Variants in TMEM132C observed in about 807,000 individuals in gnomAD.
TMEM132C encodes transmembrane protein 132C, also known as protein phosphatase 1, regulatory subunit 152.
A neutral mutation model predicts 61.4 loss-of-function variants in TMEM132C; 29 were observed. The observed-to-expected ratio is 0.47, with a 90% CI of 0.35 to 0.64. The LOEUF (loss-of-function observed/expected upper bound fraction) is 0.64. Among genes scored for constraint, TMEM132C ranks in the 30% least tolerant of loss-of-function variants. TMEM132C has a pLI of 0.00. For synonymous variants in TMEM132C, 656 were observed against 633.1 expected, an observed-to-expected ratio of 1.04 and a Z score of -0.54; for missense variants, 1,408 against 1,476.9, an observed-to-expected ratio of 0.95 and a Z score of 0.76.
At chr12:128,353,888 CG>C (rs1184350625) in intron 1 of TMEM132C, among the ~76,000 whole-genome samples, 32 of 152,156 alleles carry the variant, frequency 2.1e-4, no homozygotes, top group Admixed American at 2.1e-3. Context: ...CCTCGTATCA[CG>C]GGGTTGCTGT....
At chr12:128,426,014 A>G (rs1869170158) in intron 2 of TMEM132C, among the ~76,000 whole-genome samples, 1 of 152,186 alleles carries the variant, frequency 6.6e-6, no homozygotes, top group Non-Finnish European at 1.5e-5. Flanking sequence ...GAGAATACAG[A>G]CTGCCTGACG....
intron 1 of TMEM132C, among the ~76,000 whole-genome samples, chr12:128,314,595 C>T (rs144712458): frequency 0.012 from 1,789 of 152,244 alleles, 39 homozygotes; most frequent in African/African-American, 0.041. Flanking sequence ...TGAGGACATA[C>T]TGGATTCAGG....
At chr12:128,392,884 C>T (rs962132339) in intron 1 of TMEM132C, among the ~76,000 whole-genome samples, 2 of 152,110 alleles carry the variant, frequency 1.3e-5, no homozygotes, top group Non-Finnish European at 2.9e-5. Flanking sequence ...GGGCCACCTG[C>T]GGCCTGCAGG....
At chr12:128,481,422 G>A (rs1424024508) in intron 2 of TMEM132C, among the ~76,000 whole-genome samples, 1 of 152,224 alleles carries the variant, frequency 6.6e-6, no homozygotes, top group Non-Finnish European at 1.5e-5. Flanking sequence ...TCACCTCTCT[G>A]CTGTCCAGAG....
chr12:128,314,153 C>T (rs1872070387), intron 1 of TMEM132C, among the ~76,000 whole-genome samples: 1 of 152,206 alleles, frequency 6.6e-6, no homozygotes, highest in Non-Finnish European at 1.5e-5. Flanking sequence ...TTTTATCTTA[C>T]TCAGTGGAGA....
intron 3 of TMEM132C, among the ~76,000 whole-genome samples, chr12:128,589,179 C>G (rs369921111): frequency 6.6e-6 from 1 of 152,160 alleles, no homozygotes; most frequent in Non-Finnish European, 1.5e-5. Context: ...GAGTCATGCA[C>G]AGCTCTCCCG....
At chr12:128,305,303 G>A (rs1165478136) in intron 1 of TMEM132C, among the ~76,000 whole-genome samples, 1 of 152,112 alleles carries the variant, frequency 6.6e-6, no homozygotes, top group Non-Finnish European at 1.5e-5. Flanking sequence ...GATTGCATGT[G>A]ATACCTCAGT....
At chr12:128,361,805 G>A (rs543637840) in intron 1 of TMEM132C, among the ~76,000 whole-genome samples, 4 of 152,202 alleles carry the variant, frequency 2.6e-5, no homozygotes, top group East Asian at 1.9e-4. Context: ...TTGGGGCCCC[G>A]TTGATAAGCT....
At chr12:128,441,129 A>G (rs1869770103) in intron 2 of TMEM132C, among the ~76,000 whole-genome samples, 2 of 152,256 alleles carry the variant, frequency 1.3e-5, no homozygotes, top group African/African-American at 4.8e-5. Context: ...AAAACCCAAG[A>G]GATGTCACAA....
At chr12:128,592,205 C>CA (rs1875778000) in intron 3 of TMEM132C, among the ~76,000 whole-genome samples, 1 of 152,230 alleles carries the variant, frequency 6.6e-6, no homozygotes, top group Admixed American at 6.5e-5. Context: ...CCTACCCTGA[C>CA]ACGGAGGCTG....
intron 1 of TMEM132C, 109 bp downstream of exon 1, chr12:128,267,596 G>T: frequency 1.1e-6 from 1 of 915,202 alleles, no homozygotes; most frequent in Non-Finnish European, 1.4e-6. Flanking sequence ...GGCCTCGGCG[G>T]GGGCTCGGAT....
Position 128,415,512 on chromosome 12 carries a change from A to T in TMEM132C, c.866A>T (p.Asp289Val). 1 of 1,551,418 alleles carries T rather than the reference A, an allele frequency of 6.4e-7. No individual in the cohort carries two copies. Among genetic ancestry groups the T allele is most frequent in the East Asian group, 2.4e-5 (1 of 40,856 alleles). The part of the protein sequence containing the change: ...DSAQLSELRL[D>V]GNVVIWLPSR... Reference sequence around the variant, plus strand: ...GCCCAGCTCAGCGAGCTGCGTTTGGATGGTAACGTGGTCATCTGGCTGCCT... The same window carrying T: ...GCCCAGCTCAGCGAGCTGCGTTTGGTTGGTAACGTGGTCATCTGGCTGCCT... The change falls in exon 2 of 9, where the codon GAT (aspartate) becomes GTT (valine). Residue 289 changes from aspartate to valine, a missense_variant. Asp to Val is a radical substitution (Grantham distance 152, BLOSUM62 -3). Coordinates refer to ENST00000435159, the MANE Select transcript of TMEM132C (RefSeq NM_001136103.3). The surrounding 1 kb of genome is among the most constrained non-coding windows in gnomAD (Gnocchi z 5.8).
At chr12:128,602,018 G>A (rs1029142223) in intron 3 of TMEM132C, among the ~76,000 whole-genome samples, 1 of 152,058 alleles carries the variant, frequency 6.6e-6, no homozygotes, top group Non-Finnish European at 1.5e-5. Context: ...ACAAGCCTGA[G>A]CAATGTACCG....
chr12:128,467,409 G>A (rs1044383464), intron 2 of TMEM132C, among the ~76,000 whole-genome samples: 4 of 152,166 alleles, frequency 2.6e-5, no homozygotes, highest in African/African-American at 9.7e-5. Context: ...TAATGGCTGG[G>A]CTGTCTTGGG....
At chr12:128,271,708 A>G (rs965398609) in intron 1 of TMEM132C, among the ~76,000 whole-genome samples, 4 of 152,170 alleles carry the variant, frequency 2.6e-5, no homozygotes, top group African/African-American at 4.8e-5. Context: ...TCCCTTAAGC[A>G]GTTGAGTTTT....
chr12:128,272,902 C>A (rs2135890903), intron 1 of TMEM132C, among the ~76,000 whole-genome samples: 1 of 152,222 alleles, frequency 6.6e-6, no homozygotes, highest in Middle Eastern at 3.4e-3. Context: ...ATTCTGAATG[C>A]AAGTCCTTTG....
At chr12:128,275,837 C>A (rs1870671078) in intron 1 of TMEM132C, among the ~76,000 whole-genome samples, 1 of 152,200 alleles carries the variant, frequency 6.6e-6, no homozygotes, top group Admixed American at 6.5e-5. Context: ...TCTCACAATT[C>A]TGGGGCCAAA....
intron 3 of TMEM132C, among the ~76,000 whole-genome samples, chr12:128,564,206 A>G (rs1389273907): frequency 1.3e-5 from 2 of 152,152 alleles, no homozygotes; most frequent in African/African-American, 4.8e-5. Flanking sequence ...TCTCATCTAA[A>G]CTTAACTCAG....
intron 1 of TMEM132C, among the ~76,000 whole-genome samples, chr12:128,334,410 A>G (rs1187143700): frequency 5.3e-5 from 8 of 152,080 alleles, no homozygotes; most frequent in African/African-American, 1.7e-4. Context: ...GTGTCTCCCT[A>G]TTGAGCCTGA....
Sources: gnomAD v4.1 joint callset for allele counts (sites outside exome capture counted in the v4.1 genomes callset) on GRCh38, gnomAD v4.1.1 for gene constraint, Gnocchi (gnomAD v3.1) non-coding constraint, MANE v1.5 for transcripts, NCBI Gene and HGNC (gene_info 2026-07-23, HGNC 2026-07-21) for gene names.